ANO10: variants seen among roughly 807,000 people sequenced by gnomAD.
The protein encoded by ANO10 is anoctamin-10.
A neutral mutation model predicts 74.7 loss-of-function variants in ANO10; 77 were observed. That is an observed-to-expected ratio of 1.03 (90% CI 0.86 to 1.25). ANO10 has a LOEUF of 1.25. Ranked by LOEUF, ANO10 falls within the 50% of genes most tolerant of loss-of-function variation. The probability of loss-of-function intolerance (pLI) is 0.00; values close to 1 mark genes in which losing one functional copy is unlikely to be tolerated. For synonymous variants in ANO10, 279 were observed against 284.9 expected (o/e 0.98, Z 0.21); for missense variants, 721 against 778.1 (o/e 0.93, Z 0.87).
chr3:43,660,902 C>T (rs907205002), intron 1 of ANO10, among the ~76,000 whole-genome samples: 16 of 152,064 alleles, frequency 1.1e-4, no homozygotes, highest in African/African-American at 1.2e-4. Flanking sequence ...TGCGTTGAGC[C>T]GAGATCATGT....
chr3:43,507,521 G>A lies in ANO10; in HGVS notation c.1797+42199C>T, dbSNP rs530584298. On this transcript the variant is annotated intron_variant, in intron 11 of 12. Transcript: ENST00000292246. ...TCCCTGGAAGTTTAGAAGCAGACCA[G>A]TCAGCACTGCCTGGATGCCCTCATA... Among the ~76,000 whole-genome samples, 6 of 152,140 alleles carry A rather than the reference G, an allele frequency of 3.9e-5. No homozygotes were observed. In the East Asian group the frequency reaches 1.2e-3, roughly 29 times the overall value.
intron 1 of ANO10, among the ~76,000 whole-genome samples, chr3:43,679,162 G>A (rs555670476): frequency 9.8e-5 from 15 of 152,296 alleles, no homozygotes; most frequent in East Asian, 7.8e-4. Context: ...CCTGGGAAGC[G>A]CAAGGGGTCA....
intron 4 of ANO10, 52 bp from the exon 5 acceptor site, chr3:43,580,524 T>A (rs758463386): frequency 8.0e-5 from 129 of 1,606,276 alleles, no homozygotes; most frequent in Admixed American, 8.3e-5. Context: ...AGATTGTGCA[T>A]GATACGCTTC....
chr3:43,486,798 C>T (rs1253626118), intron 11 of ANO10, among the ~76,000 whole-genome samples: 1 of 151,538 alleles, frequency 6.6e-6, no homozygotes, highest in African/African-American at 2.4e-5. Context: ...CCTTTATTTC[C>T]TTCTCCTGCC....
intron 12 of ANO10, among the ~76,000 whole-genome samples, chr3:43,405,611 C>T (rs1301094232): frequency 6.6e-6 from 1 of 151,984 alleles, no homozygotes; most frequent in Non-Finnish European, 1.5e-5. Flanking sequence ...TCAGCTGAGA[C>T]TAAAGGAGTG....
At chr3:43,523,814 C>G (rs879719587) in intron 11 of ANO10, among the ~76,000 whole-genome samples, 1 of 152,158 alleles carries the variant, frequency 6.6e-6, no homozygotes, top group Non-Finnish European at 1.5e-5. Context: ...ATGGAGTAGA[C>G]AAGCTCACCC....
intron 1 of ANO10, among the ~76,000 whole-genome samples, chr3:43,609,732 T>C (rs1468029207): frequency 1.3e-5 from 2 of 152,234 alleles, no homozygotes; most frequent in Admixed American, 6.5e-5. Context: ...AGCATGTTAC[T>C]GCACTGAATC....
intron 12 of ANO10, among the ~76,000 whole-genome samples, chr3:43,374,247 CCTTT>C (rs1293273042): frequency 6.6e-6 from 1 of 152,200 alleles, no homozygotes; most frequent in African/African-American, 2.4e-5. Flanking sequence ...TTTTTAACCT[CCTTT>C]GTTGATATAA....
At chr3:43,442,287 T>TAC (rs143836798) in intron 11 of ANO10, among the ~76,000 whole-genome samples, 51 of 151,254 alleles carry the variant, frequency 3.4e-4, no homozygotes, top group East Asian at 1.9e-4. Context: ...TCTACACACA[T>TAC]ACACACACAC....
chr3:43,464,377 T>C (rs962038406), intron 11 of ANO10, among the ~76,000 whole-genome samples: 1 of 152,190 alleles, frequency 6.6e-6, no homozygotes, highest in Admixed American at 6.5e-5. Context: ...AAGTGGGATA[T>C]ATTTCAGAAA....
At chr3:43,689,054 A>C (rs1319755210) in intron 1 of ANO10, among the ~76,000 whole-genome samples, 1 of 152,104 alleles carries the variant, frequency 6.6e-6, no homozygotes, top group Non-Finnish European at 1.5e-5. Context: ...GGTGCCATAC[A>C]CTTTTAAACA....
upstream of ANO10, among the ~76,000 whole-genome samples, chr3:43,623,760 A>C (rs1330191653): frequency 6.6e-6 from 1 of 152,184 alleles, no homozygotes; most frequent in Non-Finnish European, 1.5e-5. Context: ...TAGTCCTCCG[A>C]TGCTATCATG....
chr3:43,553,694 C>T (rs1224945060), intron 10 of ANO10, among the ~76,000 whole-genome samples: 1 of 152,018 alleles, frequency 6.6e-6, no homozygotes, highest in Admixed American at 6.6e-5. Flanking sequence ...CACCACCACG[C>T]CCAGCTAATT....
intron 2 of ANO10, among the ~76,000 whole-genome samples, chr3:43,601,979 G>A (rs563881774): frequency 5.2e-4 from 79 of 152,300 alleles, no homozygotes; most frequent in Non-Finnish European, 8.7e-4. Flanking sequence ...AGCTGGGCAC[G>A]GAGGGGACAC....
At chr3:43,654,686 G>C (rs2083827547) in intron 1 of ANO10, among the ~76,000 whole-genome samples, 1 of 152,102 alleles carries the variant, frequency 6.6e-6, no homozygotes, top group African/African-American at 2.4e-5. Flanking sequence ...GACTTCTCCA[G>C]CCAGAAGATG....
At chr3:43,657,318 C>T (rs2083868876) in intron 1 of ANO10, among the ~76,000 whole-genome samples, 2 of 152,220 alleles carry the variant, frequency 1.3e-5, no homozygotes, top group Admixed American at 1.3e-4. Context: ...TCCCCAAATT[C>T]TATGTATAAA....
At position 43,598,673 on chromosome 3, in the gene ANO10, T is replaced by C. The variant is rs2082202604; in HGVS notation, c.338-7A>G. 6.3e-7 allele frequency: 1 copy of C among 1,592,834 alleles called. No individual in the cohort carries two copies. The highest frequency in any genetic ancestry group is 8.6e-7 in the Non-Finnish European group (1 of 1,166,848). ...AGGAAATCATCATTGTTATCTAAAA[T>C]AAAACAGAAATTACCAGATTTTAGT... On this transcript the variant is annotated splice_region_variant and splice_polypyrimidine_tract_variant and intron_variant, in intron 3 of 12. Transcript: ENST00000292246.
chr3:43,483,637 G>A (rs148106926), intron 11 of ANO10, among the ~76,000 whole-genome samples: 29 of 152,334 alleles, frequency 1.9e-4, no homozygotes, highest in African/African-American at 7.0e-4. Context: ...GAGCCAATAT[G>A]AGTGACCATG....
chr3:43,368,440 A>G (rs1003945305), intron 12 of ANO10, among the ~76,000 whole-genome samples: 3 of 152,080 alleles, frequency 2.0e-5, no homozygotes, highest in Non-Finnish European at 4.4e-5. Flanking sequence ...TGCCAGGGGG[A>G]TAGAGATGGT....
Sources: allele counts gnomAD v4.1 joint callset (sites outside exome capture counted in the v4.1 genomes callset), GRCh38; gene constraint gnomAD v4.1.1; transcripts MANE v1.5; gene names NCBI Gene and HGNC (gene_info 2026-07-23, HGNC 2026-07-21).